The following BBS9 variants were observed in gnomAD, a reference collection of about 807,000 sequenced individuals.
BBS9 encodes protein PTHB1.
BBS9 carries 89 observed loss-of-function variants against 117.7 expected under a neutral mutation model. The ratio of observed to expected loss-of-function variants is 0.76; its 90% confidence interval spans 0.64 to 0.90. BBS9 has a LOEUF of 0.90. Among genes scored for constraint, BBS9 ranks in the 40% least tolerant of loss-of-function variants. The pLI is 0.00. For missense variants in BBS9, 982 were observed against 1,042.2 expected (o/e 0.94, Z 0.80); for synonymous variants, 379 against 370.9 (o/e 1.02, Z -0.25).
In BBS9 at chr7:33,357,787, T is replaced by C. The variant is rs556643569; in HGVS notation, c.1553-68T>C. ...GATATATTGCTGCTCAAACTATTAG[T>C]AGTACAATTTTTTTTTGCCAAATTA... On this transcript the variant is annotated intron_variant, in intron 15 of 22. Transcript: ENST00000242067. 4.0e-6 allele frequency: 6 copies of C among 1,497,552 alleles called. No individual in the cohort carries two copies. In the East Asian group the frequency reaches 1.1e-4, roughly 28 times the overall value. 92.8% of individuals were successfully genotyped at this position (1,497,552 alleles called of 1,614,324 possible).
intron 5 of BBS9, among the ~76,000 whole-genome samples, chr7:33,219,413 C>T (rs60146993): frequency 0.11 from 17,246 of 152,252 alleles, 1,152 homozygotes; most frequent in African/African-American, 0.18. Context: ...GTGCAGGGTC[C>T]ACTGGGTGAA....
rs1583434046 is a variant in BBS9, at chr7:33,167,404, T to A, written c.329-10074T>A. ...CTGTTCATTAAAGTTCTGAGAATTC[T>A]TTTTTTTTTTTTTTTTGAAATGGAG... On this transcript the variant is annotated intron_variant, in intron 4 of 22. Coordinates refer to ENST00000242067, the MANE Select transcript of BBS9 (RefSeq NM_198428.3). Among the ~76,000 whole-genome samples, 4 of 123,790 alleles carry A rather than the reference T, an allele frequency of 3.2e-5. No homozygotes were observed. The South Asian group carries it at 9.4e-4, about 29-fold the overall frequency. 81.2% of individuals were successfully genotyped at this position (123,790 alleles called of 152,430 possible). A position where few individuals can be genotyped will look rare whatever the true frequency, so the allele number is the denominator to read the frequency against.
At chr7:33,215,775 T>TC (rs1419981981) in intron 5 of BBS9, among the ~76,000 whole-genome samples, 1 of 152,224 alleles carries the variant, frequency 6.6e-6, no homozygotes, top group East Asian at 1.9e-4. Context: ...TTACATATTC[T>TC]CCCTTACATG....
At chr7:33,434,318 A>C (rs539825155) in intron 19 of BBS9, among the ~76,000 whole-genome samples, 35 of 151,794 alleles carry the variant, frequency 2.3e-4, no homozygotes, top group African/African-American at 2.4e-5. Flanking sequence ...ATGTTGCTGT[A>C]AAGTCATTTT....
intron 17 of BBS9, among the ~76,000 whole-genome samples, chr7:33,373,285 A>G (rs1392708011): frequency 6.6e-6 from 1 of 152,158 alleles, no homozygotes; most frequent in East Asian, 1.9e-4. Flanking sequence ...CTTTTCATCA[A>G]AATAATTCGA....
intron 9 of BBS9, among the ~76,000 whole-genome samples, chr7:33,326,222 T>G (rs1198768886): frequency 3.3e-5 from 5 of 151,718 alleles, no homozygotes; most frequent in Admixed American, 2.6e-4. Flanking sequence ...TTCCTACTCT[T>G]TTCCCTCCCC....
chr7:33,422,767 A>T, intron 19 of BBS9, among the ~76,000 whole-genome samples: 1 of 152,118 alleles, frequency 6.6e-6, no homozygotes. Context: ...TGTTCAGTTT[A>T]TTTTTTATTT....
At chr7:33,406,360 G>C (rs2128806526) in intron 19 of BBS9, among the ~76,000 whole-genome samples, 1 of 152,280 alleles carries the variant, frequency 6.6e-6, no homozygotes, top group South Asian at 2.1e-4. Flanking sequence ...TATTAGGTCT[G>C]CTTGGTGCAG....
intron 21 of BBS9, among the ~76,000 whole-genome samples, chr7:33,560,647 A>G (rs1681915653): frequency 6.6e-6 from 1 of 152,198 alleles, no homozygotes; most frequent in African/African-American, 2.4e-5. Context: ...TAAATAAAGC[A>G]ATAGTATTTT....
rs1178733550 is a variant in BBS9, at chr7:33,595,068, A to G, written c.2522-9797A>G. On this transcript the variant is annotated intron_variant, in intron 21 of 22. Transcript: ENST00000242067. ...CAAGATAGATTAAAGACTTAAATGTAAAAACCAAAACCATAAAAATCCTAG... is the reference window on the plus strand; with the variant it reads ...CAAGATAGATTAAAGACTTAAATGTGAAAACCAAAACCATAAAAATCCTAG... Among the ~76,000 whole-genome samples the G allele has an allele frequency of 2.0e-5, 3 of 152,314 alleles. No homozygotes were observed. The East Asian group carries it at 5.8e-4, about 29-fold the overall frequency.
rs117543061 is a variant in BBS9 at position 33,388,115 on chromosome 7, G to A, written c.2086G>A (p.Asp696Asn). 6.5e-4 allele frequency: 1,044 copies of A among 1,614,054 alleles called. 11 individuals carry two copies. In the East Asian group the frequency reaches 0.019, roughly 29 times the overall value. Residue 696 changes from aspartate to asparagine, a missense_variant, in exon 19 of 23, where the codon GAC (aspartate) becomes AAC (asparagine). Asp to Asn is a conservative substitution (Grantham distance 23). Coordinates refer to ENST00000242067, the MANE Select transcript of BBS9 (RefSeq NM_198428.3). ...AACTCCTGCCCCTCTTCAACACCTG[G>A]ACACCTTGTTAGATGGAACCTACAA... ...DKTPAPLQHL[D>N]TLLDGTYKQV...
At chr7:33,480,500 A>C (rs535420446) in intron 19 of BBS9, among the ~76,000 whole-genome samples, 2 of 152,328 alleles carry the variant, frequency 1.3e-5, no homozygotes, top group South Asian at 4.1e-4. Flanking sequence ...GGGAGTAGAC[A>C]TTATGGGCAA....
intron 5 of BBS9, among the ~76,000 whole-genome samples, chr7:33,222,317 AAGCT>A (rs1165148748): frequency 1.3e-5 from 2 of 152,204 alleles, no homozygotes; most frequent in Non-Finnish European, 2.9e-5. Flanking sequence ...AATAGTCCCT[AAGCT>A]AGCAGAATGC....
rs1562917313 is a variant in BBS9 at position 33,273,016 on chromosome 7, A to G, written c.707A>G (p.Asp236Gly). 1 of 1,613,632 alleles carries G rather than the reference A, an allele frequency of 6.2e-7. No individual in the cohort carries two copies. Among genetic ancestry groups the G allele is most frequent in the Non-Finnish European group, 8.5e-7 (1 of 1,179,740 alleles). ...ATATTGAGTTTTGCTTTGTAGGTGG[A>G]TTGGACTCTAAATATTGGAGAGCAA... The part of the protein sequence containing the change: ...KLGSGKRLVV[D>G]WTLNIGEQAL... Residue 236 changes from aspartate (D) to glycine (G), a missense_variant, in exon 8 of 23, where the codon GAT becomes GGT. Asp to Gly is a moderately conservative substitution (Grantham distance 94). Coordinates refer to ENST00000242067, the MANE Select transcript of BBS9 (RefSeq NM_198428.3).
intron 5 of BBS9, among the ~76,000 whole-genome samples, chr7:33,244,044 C>T (rs1413680609): frequency 6.6e-6 from 1 of 152,070 alleles, no homozygotes; most frequent in African/African-American, 2.4e-5. Context: ...GGCCAACCAA[C>T]ATGATGAAAC....
At chr7:33,527,031 T>C (rs373250547) in intron 20 of BBS9, among the ~76,000 whole-genome samples, 42 of 151,538 alleles carry the variant, frequency 2.8e-4, no homozygotes, top group African/African-American at 6.3e-4. Context: ...TGTGCCCCTG[T>C]TGGGGGGTGC....
chr7:33,548,254 T>C (rs1052531171), intron 21 of BBS9, among the ~76,000 whole-genome samples: 5 of 152,182 alleles, frequency 3.3e-5, no homozygotes, highest in Non-Finnish European at 7.4e-5. Flanking sequence ...TAAATAGCTT[T>C]TGAAAGACAT....
intron 19 of BBS9, among the ~76,000 whole-genome samples, chr7:33,490,830 A>T (rs1022937261): frequency 1.3e-5 from 2 of 152,260 alleles, no homozygotes; most frequent in African/African-American, 4.8e-5. Flanking sequence ...GAAAATAAGT[A>T]ACAACTTTGT....
At chr7:33,442,182 G>T (rs948799960) in intron 19 of BBS9, among the ~76,000 whole-genome samples, 1 of 152,156 alleles carries the variant, frequency 6.6e-6, no homozygotes, top group Non-Finnish European at 1.5e-5. Flanking sequence ...GTGAGCCACC[G>T]TGCCTGACTG....
Sources: allele counts gnomAD v4.1 joint callset (sites outside exome capture counted in the v4.1 genomes callset), GRCh38; gene constraint gnomAD v4.1.1; transcripts MANE v1.5; gene names NCBI Gene and HGNC (gene_info 2026-07-23, HGNC 2026-07-21).